DLGAP1: variants seen among roughly 807,000 people sequenced by gnomAD.
DLGAP1 encodes DLG associated protein 1.
Under a neutral mutation model 90.8 loss-of-function variants are expected in DLGAP1, and 11 were observed. The ratio of observed to expected loss-of-function variants is 0.12; its 90% CI spans 0.08 to 0.20. DLGAP1 has a LOEUF of 0.20. Ranked by LOEUF, DLGAP1 falls within the 10% of genes least tolerant of loss-of-function variation. DLGAP1 has a pLI of 1.00. For missense variants in DLGAP1, 1,050 were observed against 1,333.8 expected (o/e 0.79, Z 3.31); for synonymous variants, 558 against 540.7 (o/e 1.03, Z -0.44).
Position 4,165,964 on chromosome 18 carries a change from C to T in DLGAP1, c.-266-14677G>A, listed in dbSNP as rs563285907. Among the ~76,000 whole-genome samples the T allele has an allele frequency of 4.6e-5, 7 of 152,012 alleles. No individual in the cohort carries two copies. The South Asian group carries it at 1.5e-3, about 32-fold the overall frequency. On this transcript the variant is annotated intron_variant, in intron 1 of 12. Transcript: ENST00000315677. ...TTGAGGACAGAAGTTCAAGACCAGC[C>T]CTGAACAATGTAGTGAGACCCTGTC...
At chr18:3,522,562 T>C (rs1222166971) in intron 10 of DLGAP1, among the ~76,000 whole-genome samples, 2 of 148,192 alleles carry the variant, frequency 1.3e-5, no homozygotes, top group Non-Finnish European at 3.0e-5. Flanking sequence ...TTTTTTTTTT[T>C]TTGGAGACCT....
At chr18:4,130,265 A>C (rs1331008662) in intron 2 of DLGAP1, among the ~76,000 whole-genome samples, 1 of 152,196 alleles carries the variant, frequency 6.6e-6, no homozygotes, top group Admixed American at 6.5e-5. Flanking sequence ...AGAATGAGTA[A>C]ATTCCAGAGG....
chr18:3,946,680 A>G (rs943055139), intron 3 of DLGAP1, among the ~76,000 whole-genome samples: 3 of 152,284 alleles, frequency 2.0e-5, no homozygotes, highest in African/African-American at 7.2e-5. Context: ...ATTAAAATTA[A>G]TTTGGTCTCT....
intron 1 of DLGAP1, among the ~76,000 whole-genome samples, chr18:4,425,813 A>C (rs1284503955): frequency 1.3e-5 from 2 of 152,132 alleles, no homozygotes; most frequent in Non-Finnish European, 2.9e-5. Flanking sequence ...CAACTCCCCC[A>C]ATATGACCAT....
At chr18:4,207,423 G>T (rs192910528) in intron 1 of DLGAP1, among the ~76,000 whole-genome samples, 200 of 152,236 alleles carry the variant, frequency 1.3e-3, no homozygotes, top group South Asian at 3.7e-3. Flanking sequence ...GGGGATTACC[G>T]GAACTACAAT....
intron 2 of DLGAP1, among the ~76,000 whole-genome samples, chr18:4,148,082 A>G (rs967635062): frequency 3.9e-5 from 6 of 152,212 alleles, no homozygotes; most frequent in Non-Finnish European, 8.8e-5. Flanking sequence ...ATTTATCACT[A>G]GAGACAGAAA....
chr18:4,356,044 AT>A (rs1023632808), intron 1 of DLGAP1, among the ~76,000 whole-genome samples: 4 of 151,700 alleles, frequency 2.6e-5, no homozygotes, highest in African/African-American at 9.7e-5. Flanking sequence ...GGGGTCAGCT[AT>A]TCATCTCCAT....
At chr18:4,138,617 G>T (rs1333541546) in intron 2 of DLGAP1, among the ~76,000 whole-genome samples, 1 of 151,938 alleles carries the variant, frequency 6.6e-6, no homozygotes, top group Non-Finnish European at 1.5e-5. Flanking sequence ...ATGTGTCCTT[G>T]TCTGGTTTTG....
intron 1 of DLGAP1, among the ~76,000 whole-genome samples, chr18:4,424,101 A>G (rs1380422518): frequency 1.3e-5 from 2 of 152,104 alleles, no homozygotes; most frequent in Non-Finnish European, 2.9e-5. Context: ...CAGTGAGCCG[A>G]GATCATGCCA....
At chr18:3,575,791 C>A (rs1406538660) in intron 8 of DLGAP1, among the ~76,000 whole-genome samples, 1 of 152,258 alleles carries the variant, frequency 6.6e-6, no homozygotes, top group Admixed American at 6.5e-5. Context: ...GCCCCCATCA[C>A]CCCCAGCACT....
rs10549959 is a variant in DLGAP1 at position 3,661,571 on chromosome 18, C to CTTTT, written c.1591+67560_1591+67563dup. ...AGGCAGAGGGAAGAAGCTGTAAGGT[C>CTTTT]TTTTTTTTTTTTTTTTTTTTTTTGA... is the stretch of plus-strand genomic sequence containing the variant. On this transcript the variant is annotated intron_variant, in intron 7 of 12. Transcript: ENST00000315677. Among the ~76,000 whole-genome samples, 112 of 125,268 alleles carry CTTTT rather than the reference C, an allele frequency of 8.9e-4. 2 individuals are homozygous for CTTTT. Among genetic ancestry groups the CTTTT allele is most frequent in the African/African-American group, 3.0e-3 (105 of 35,008 alleles). 82.2% of individuals were successfully genotyped at this position (125,268 alleles called of 152,430 possible).
intron 2 of DLGAP1, among the ~76,000 whole-genome samples, chr18:4,148,626 G>A (rs186275314): frequency 4.3e-4 from 65 of 152,250 alleles, no homozygotes; most frequent in South Asian, 2.1e-4. Flanking sequence ...GTTTGATTCT[G>A]TCTGCTCTTT....
intron 2 of DLGAP1, among the ~76,000 whole-genome samples, chr18:4,071,553 G>A (rs1165912726): frequency 6.6e-6 from 1 of 152,078 alleles, no homozygotes; most frequent in Non-Finnish European, 1.5e-5. Context: ...TGTCAGCGTC[G>A]TCTCAGGAAA....
At chr18:4,249,559 G>C (rs1405044539) in intron 1 of DLGAP1, among the ~76,000 whole-genome samples, 1 of 151,598 alleles carries the variant, frequency 6.6e-6, no homozygotes, top group Non-Finnish European at 1.5e-5. Context: ...GTTCAGTAAT[G>C]ATGGATTTCT....
intron 10 of DLGAP1, among the ~76,000 whole-genome samples, chr18:3,519,664 G>A (rs554818566): frequency 2.0e-5 from 3 of 152,238 alleles, no homozygotes; most frequent in South Asian, 2.1e-4. Flanking sequence ...TCCTGAATGA[G>A]GTTAGTGCCT....
chr18:3,766,586 A>C (rs1159556964), intron 5 of DLGAP1, among the ~76,000 whole-genome samples: 1 of 152,126 alleles, frequency 6.6e-6, no homozygotes, highest in Non-Finnish European at 1.5e-5. Flanking sequence ...ATAAAAAAAA[A>C]CTCAACAAAC....
chr18:3,750,440 G>A (rs959522625), intron 5 of DLGAP1, among the ~76,000 whole-genome samples: 2 of 152,180 alleles, frequency 1.3e-5, no homozygotes, highest in Non-Finnish European at 2.9e-5. Context: ...ACACGTGCAT[G>A]TGTCCTTTTG....
At chr18:3,688,642 C>T (rs909575523) in intron 7 of DLGAP1, among the ~76,000 whole-genome samples, 1 of 149,788 alleles carries the variant, frequency 6.7e-6, no homozygotes, top group African/African-American at 2.5e-5. Context: ...CACACACACA[C>T]ACACACACAC....
At chr18:3,763,276 A>G (rs1448232540) in intron 5 of DLGAP1, among the ~76,000 whole-genome samples, 4 of 152,150 alleles carry the variant, frequency 2.6e-5, no homozygotes, top group African/African-American at 9.7e-5. Context: ...CTACCCTTGA[A>G]CATCGGCCTC....
Sources: gnomAD v4.1 joint callset for allele counts (sites outside exome capture counted in the v4.1 genomes callset) on GRCh38, gnomAD v4.1.1 for gene constraint, MANE v1.5 for transcripts, NCBI Gene and HGNC (gene_info 2026-07-23, HGNC 2026-07-21) for gene names.